Variants in IGFBP7 observed in about 807,000 individuals in gnomAD.
IGFBP7 encodes insulin-like growth factor-binding protein 7.
IGFBP7 carries 31 observed loss-of-function variants against 29.4 expected under a neutral mutation model. The observed-to-expected ratio is 1.05, with a 90% CI of 0.79 to 1.42. The LOEUF (loss-of-function observed/expected upper bound fraction) is 1.42. Among genes scored for constraint, IGFBP7 ranks in the 40% most tolerant of loss-of-function variants. The pLI is 0.00. For missense variants in IGFBP7, 393 were observed against 395.5 expected, an observed-to-expected ratio of 0.99 and a Z score of 0.05; for synonymous variants, 172 against 174.9, an observed-to-expected ratio of 0.98 and a Z score of 0.13.
At chr4:57,032,577 T>G in intron 3 of IGFBP7, 25 bp from the exon 4 acceptor site, 1 of 1,564,210 alleles carries the variant, frequency 6.4e-7, no homozygotes, top group Non-Finnish European at 8.8e-7. Context: ...AGATCTAGTA[T>G]TCCTCTGTGG....
chr4:57,104,028 G>A (rs1323928188), intron 1 of IGFBP7, among the ~76,000 whole-genome samples: 1 of 151,430 alleles, frequency 6.6e-6, no homozygotes, highest in African/African-American at 2.4e-5. Flanking sequence ...CCCATCTCTG[G>A]TAACTGCTGT....
intron 1 of IGFBP7, among the ~76,000 whole-genome samples, chr4:57,094,159 A>G (rs1336018965): frequency 6.6e-6 from 1 of 152,112 alleles, no homozygotes; most frequent in Non-Finnish European, 1.5e-5. Context: ...TCCTGGGGCA[A>G]ATTTCCATCT....
rs1396973958 is a variant in IGFBP7, at chr4:57,030,966, C to T, written c.*351G>A. On this transcript the variant is annotated 3_prime_UTR_variant, in exon 5 of 5. Coordinates refer to ENST00000295666, the MANE Select transcript of IGFBP7 (RefSeq NM_001553.3). ...CAGGAACTTATGTCTATGAGTATTG[C>T]ACCGCGAATGATGAGTGTTTAGCTA... 1.9e-6 allele frequency: 3 copies of T among 1,593,362 alleles called. No individual in the cohort carries two copies. The highest frequency in any genetic ancestry group is 8.6e-7 in the Non-Finnish European group (1 of 1,161,080).
intron 1 of IGFBP7, among the ~76,000 whole-genome samples, chr4:57,065,133 C>T (rs921541142): frequency 3.3e-5 from 5 of 152,264 alleles, no homozygotes; most frequent in African/African-American, 2.4e-5. Flanking sequence ...CATCACAAAA[C>T]GTACTGGGGA....
At chr4:57,073,157 T>C (rs1725100984) in intron 1 of IGFBP7, 2 of 1,575,148 alleles carry the variant, frequency 1.3e-6, no homozygotes, top group Non-Finnish European at 1.7e-6. Flanking sequence ...CCTGTCCTTG[T>C]GTCGTCTTTT....
intron 1 of IGFBP7, among the ~76,000 whole-genome samples, chr4:57,090,111 C>T (rs1725599846): frequency 2.0e-5 from 3 of 152,184 alleles, no homozygotes; most frequent in Non-Finnish European, 2.9e-5. Flanking sequence ...TTTTCTATTA[C>T]TTGCAGCTGA....
intron 1 of IGFBP7, among the ~76,000 whole-genome samples, chr4:57,106,760 T>A (rs1039331250): frequency 6.6e-6 from 1 of 152,180 alleles, no homozygotes; most frequent in African/African-American, 2.4e-5. Context: ...GAACAAAAGG[T>A]ATAATCAGTA....
intron 2 of IGFBP7, among the ~76,000 whole-genome samples, chr4:57,038,841 C>A (rs897539470): frequency 7.2e-5 from 11 of 151,930 alleles, no homozygotes; most frequent in Non-Finnish European, 7.4e-5. Flanking sequence ...GCAAGGTGGG[C>A]GTATCACCTG....
chr4:57,035,222 T>C (rs1250788924), intron 2 of IGFBP7, among the ~76,000 whole-genome samples: 1 of 152,224 alleles, frequency 6.6e-6, no homozygotes, highest in Non-Finnish European at 1.5e-5. Flanking sequence ...GAAAGGGAAA[T>C]GTATCTTGTT....
At chr4:57,042,174 A>C (rs1208745818) in intron 1 of IGFBP7, among the ~76,000 whole-genome samples, 1 of 152,134 alleles carries the variant, frequency 6.6e-6, no homozygotes, top group Non-Finnish European at 1.5e-5. Context: ...CCTCTGGAGA[A>C]GTTCCCTACT....
At chr4:57,057,368 A>G (rs565029732) in intron 1 of IGFBP7, among the ~76,000 whole-genome samples, 3 of 152,222 alleles carry the variant, frequency 2.0e-5, no homozygotes, top group Non-Finnish European at 4.4e-5. Flanking sequence ...GAGAAACTAC[A>G]TGCAAAGTAT....
In IGFBP7 at chr4:57,032,511, G is replaced by A. The variant is rs151176942; in HGVS notation, c.744C>T (p.Cys248=). 141 of 1,613,796 alleles carry A rather than the reference G, an allele frequency of 8.7e-5. No homozygotes were observed. The highest frequency in any genetic ancestry group is 1.1e-4 in the Non-Finnish European group (124 of 1,179,862). The change falls in exon 4 of 5, where the codon TGC becomes TGT. Residue 248 remains cysteine (C), a synonymous_variant. Transcript: ENST00000295666. ...LSKEDAGEYE[C]HASNSQGQAS... The stretch of plus-strand genomic sequence containing the variant: ...CCTGTCCTTGGGAATTGGATGCATG[G>A]CACTCATATTCTCCAGCATCTTCCT...
chr4:57,109,649 C>A, intron 1 of IGFBP7: 1 of 579,780 alleles, frequency 1.7e-6, no homozygotes. Flanking sequence ...TCTGGACGCA[C>A]GCAGCAAACT....
intron 1 of IGFBP7, among the ~76,000 whole-genome samples, chr4:57,055,886 G>A (rs1276958785): frequency 1.3e-5 from 2 of 152,086 alleles, no homozygotes; most frequent in African/African-American, 4.8e-5. Context: ...GGGCAAGGAG[G>A]AGGTTGAATA....
Position 57,046,289 on chromosome 4 carries a change from T to A in IGFBP7, c.476-5356A>T, listed in dbSNP as rs539393807. On this transcript the variant is annotated intron_variant, in intron 1 of 4. Coordinates refer to ENST00000295666, the MANE Select transcript of IGFBP7 (RefSeq NM_001553.3). The stretch of plus-strand genomic sequence containing the variant: ...GCAATTTCACTGCCAACAATCATCT[T>A]GAATTGCAGGTCTGTCCTGCAATTC... Among the ~76,000 whole-genome samples, 11 of 152,202 alleles carry A rather than the reference T, an allele frequency of 7.2e-5. No individual in the cohort carries two copies. The East Asian group carries it at 1.9e-3, about 27-fold the overall frequency.
At chr4:57,059,219 A>G (rs1724739907) in intron 1 of IGFBP7, among the ~76,000 whole-genome samples, 2 of 152,224 alleles carry the variant, frequency 1.3e-5, no homozygotes, top group Non-Finnish European at 2.9e-5. Context: ...CAGAACTACC[A>G]TTTGATGCAG....
At chr4:57,070,947 A>G in intron 1 of IGFBP7, among the ~76,000 whole-genome samples, 1 of 152,214 alleles carries the variant, frequency 6.6e-6, no homozygotes, top group East Asian at 1.9e-4. Context: ...TGCTAATTAA[A>G]AAGGCCAATT....
intron 1 of IGFBP7, among the ~76,000 whole-genome samples, chr4:57,086,982 T>C (rs1425375763): frequency 2.0e-5 from 3 of 152,076 alleles, no homozygotes; most frequent in African/African-American, 7.2e-5. Flanking sequence ...GATCCACCTG[T>C]CTCGGCCTCC....
At chr4:57,085,104 T>C (rs909983928) in intron 1 of IGFBP7, among the ~76,000 whole-genome samples, 2 of 152,162 alleles carry the variant, frequency 1.3e-5, no homozygotes, top group East Asian at 1.9e-4. Context: ...CCTTTTTTCT[T>C]TTTCTTTAAA....
Sources: allele counts gnomAD v4.1 joint callset (sites outside exome capture counted in the v4.1 genomes callset), GRCh38; gene constraint gnomAD v4.1.1; transcripts MANE v1.5; gene names NCBI Gene and HGNC (gene_info 2026-07-23, HGNC 2026-07-21).